The following SNTB2 variants were observed in gnomAD, a reference collection of about 807,000 sequenced individuals.
SNTB2 encodes beta-2-syntrophin.
SNTB2 carries 34 observed loss-of-function variants against 46.2 expected under a neutral mutation model. That is an observed-to-expected ratio of 0.74 (90% confidence interval 0.56 to 0.98). The LOEUF is 0.98. Among genes scored for constraint, SNTB2 ranks in the 50% least tolerant of loss-of-function variants. The pLI, the probability that SNTB2 is intolerant of heterozygous loss-of-function variation, is 0.00. For missense variants in SNTB2, 603 were observed against 731.4 expected (o/e 0.82, Z 2.02); for synonymous variants, 290 against 312.6 (o/e 0.93, Z 0.76).
At position 69,301,109 on chromosome 16, in the gene SNTB2, G is replaced by C; in HGVS notation, c.*185G>C. 3.7e-6 allele frequency: 2 copies of C among 535,776 alleles called. No individual in the cohort carries two copies. The highest frequency in any genetic ancestry group is 2.6e-5 in the South Asian group (1 of 39,018). The allele number at this position is 535,776 out of a possible 1,614,324, so 33.2% of individuals were successfully genotyped here. ...TACCTTTCACAGTCTACCTTGGCCA[G>C]ATATTCTAGCACTCTAAAAGGCTCC... On this transcript the variant is annotated 3_prime_UTR_variant, in exon 7 of 7. Transcript: ENST00000336278.
At chr16:69,198,201 C>G (rs962690404) in intron 1 of SNTB2, among the ~76,000 whole-genome samples, 4 of 151,200 alleles carry the variant, frequency 2.6e-5, no homozygotes, top group Non-Finnish European at 5.9e-5. Context: ...CTCCACCTCG[C>G]GGGTTCAAGC....
At chr16:69,188,599 G>A (rs1481779039) in intron 1 of SNTB2, among the ~76,000 whole-genome samples, 4 of 152,230 alleles carry the variant, frequency 2.6e-5, no homozygotes, top group Admixed American at 2.6e-4. Context: ...AAGGACTCAT[G>A]CATGTTGGAG....
At position 69,292,427 on chromosome 16, in the gene SNTB2, TATATATATTA is replaced by T. The variant is rs1338754969; in HGVS notation, c.1346-7162_1346-7153del. ...ATATATTATATATATATTATATATA[TATATATATTA>T]TATATATATAATTTTTTTTTTGAGA... On this transcript the variant is annotated intron_variant, in intron 5 of 6. Coordinates refer to ENST00000336278, the MANE Select transcript of SNTB2 (RefSeq NM_006750.4). Among the ~76,000 whole-genome samples the T allele has an allele frequency of 5.1e-4, 12 of 23,602 alleles. 2 individuals carry two copies. The South Asian group carries it at 6.2e-3, about 12-fold the overall frequency. The allele number at this position is 23,602 out of a possible 152,430, so 15.5% of individuals were successfully genotyped here. A position where few individuals can be genotyped will look rare whatever the true frequency, so the allele number is the denominator to read the frequency against.
chr16:69,298,245 C>T lies in SNTB2; in HGVS notation c.1346-1345C>T, dbSNP rs557676874. 3.2e-4 allele frequency among the ~76,000 whole-genome samples: 48 copies of T among 152,242 alleles called. No individual in the cohort carries two copies. In the South Asian group the frequency reaches 9.7e-3, roughly 31 times the overall value. ...TAAGCATGACCCACCACACCTGGGG[C>T]ATTTGCCAGTCTTGATGACCAAAAT... On this transcript the variant is annotated intron_variant, in intron 5 of 6. Transcript: ENST00000336278.
chr16:69,200,357 T>G (rs1174854621), intron 1 of SNTB2, among the ~76,000 whole-genome samples: 10 of 152,230 alleles, frequency 6.6e-5, no homozygotes, highest in Admixed American at 6.5e-4. Context: ...TATGAAATTA[T>G]TTTTCTGTCA....
At chr16:69,189,001 G>A (rs1964022639) in intron 1 of SNTB2, among the ~76,000 whole-genome samples, 1 of 152,186 alleles carries the variant, frequency 6.6e-6, no homozygotes, top group Non-Finnish European at 1.5e-5. Context: ...GGACAGAAGG[G>A]AAGGGCTGGG....
At chr16:69,298,051 A>T (rs909923261) in intron 5 of SNTB2, among the ~76,000 whole-genome samples, 3 of 151,886 alleles carry the variant, frequency 2.0e-5, no homozygotes. Context: ...TGATCCTCCC[A>T]CCCCAGCCTC....
chr16:69,252,992 C>T (rs748746723), intron 2 of SNTB2, among the ~76,000 whole-genome samples: 2 of 151,628 alleles, frequency 1.3e-5, no homozygotes, highest in African/African-American at 2.4e-5. Context: ...CTCCACCTCC[C>T]GGGTTCACGC....
chr16:69,217,006 C>G (rs1050779152), intron 1 of SNTB2, among the ~76,000 whole-genome samples: 1 of 152,058 alleles, frequency 6.6e-6, no homozygotes, highest in Non-Finnish European at 1.5e-5. Context: ...AGCCTACTGA[C>G]TTAAATATTG....
intron 1 of SNTB2, among the ~76,000 whole-genome samples, chr16:69,214,816 CG>C (rs1303847445): frequency 2.6e-4 from 39 of 150,706 alleles, no homozygotes; most frequent in African/African-American, 9.5e-4. Flanking sequence ...CGTGAGCCAC[CG>C]TGCCTGGCCT....
At chr16:69,223,251 C>T (rs377526862) in intron 1 of SNTB2, among the ~76,000 whole-genome samples, 24 of 141,460 alleles carry the variant, frequency 1.7e-4, no homozygotes, top group Admixed American at 1.3e-3. Flanking sequence ...GGAGTGCAGT[C>T]GTGTGATCTT....
At chr16:69,223,223 G>A (rs899649997) in intron 1 of SNTB2, among the ~76,000 whole-genome samples, 2 of 127,534 alleles carry the variant, frequency 1.6e-5, no homozygotes, top group Admixed American at 8.4e-5. Context: ...ACAGAGTTTT[G>A]CTCTTGTTGC....
chr16:69,272,095 T>C (rs1461504568), intron 4 of SNTB2, among the ~76,000 whole-genome samples: 1 of 152,168 alleles, frequency 6.6e-6, no homozygotes, highest in Admixed American at 6.5e-5. Context: ...AAAAGCACAG[T>C]TAACAAGAGA....
intron 5 of SNTB2, among the ~76,000 whole-genome samples, chr16:69,293,572 A>G (rs1965194853): frequency 6.6e-6 from 1 of 152,210 alleles, no homozygotes; most frequent in Admixed American, 6.5e-5. Context: ...CTGAGTAGAC[A>G]GCTCTTTCAA....
intron 1 of SNTB2, among the ~76,000 whole-genome samples, chr16:69,205,422 A>G (rs1457760025): frequency 6.6e-6 from 1 of 150,634 alleles, no homozygotes; most frequent in African/African-American, 2.4e-5. Context: ...CTGGTCTCAA[A>G]CTCTTGACCT....
intron 5 of SNTB2, among the ~76,000 whole-genome samples, chr16:69,284,459 T>TGAAAAAAAAAAAA (rs1567414678): frequency 2.2e-5 from 1 of 45,908 alleles, no homozygotes. Context: ...CCGTCTTTAC[T>TGAAAAAAAAAAAA]AAAAAAAAAA....
intron 1 of SNTB2, among the ~76,000 whole-genome samples, chr16:69,205,634 G>A (rs905572415): frequency 1.3e-5 from 2 of 152,020 alleles, no homozygotes; most frequent in Non-Finnish European, 2.9e-5. Context: ...TGTTTAGTGG[G>A]CATGACATAA....
intron 1 of SNTB2, among the ~76,000 whole-genome samples, chr16:69,190,868 C>T (rs1236211922): frequency 6.6e-6 from 1 of 152,116 alleles, no homozygotes; most frequent in Non-Finnish European, 1.5e-5. Context: ...AATAACACCT[C>T]CCTCAAAGTT....
intron 5 of SNTB2, among the ~76,000 whole-genome samples, chr16:69,298,722 A>G (rs1345268501): frequency 6.6e-6 from 1 of 151,798 alleles, no homozygotes; most frequent in Non-Finnish European, 1.5e-5. Context: ...GGGTTTCGCC[A>G]TGTTGGCCAG....
Sources: gnomAD v4.1 joint callset for allele counts (sites outside exome capture counted in the v4.1 genomes callset) on GRCh38, gnomAD v4.1.1 for gene constraint, MANE v1.5 for transcripts, NCBI Gene and HGNC (gene_info 2026-07-23, HGNC 2026-07-21) for gene names.